NRG3: variants seen among roughly 807,000 people sequenced by gnomAD.
NRG3 encodes pro-neuregulin-3, membrane-bound isoform.
Under a neutral mutation model 66.9 loss-of-function variants are expected in NRG3, and 31 were observed. That is an observed-to-expected ratio of 0.46 (90% CI 0.35 to 0.63). NRG3 has a LOEUF of 0.63. Among genes scored for constraint, NRG3 ranks in the 20% least tolerant of loss-of-function variants. NRG3 has a pLI of 0.00. For missense variants in NRG3, 910 were observed against 878.9 expected (o/e 1.04, Z -0.45); for synonymous variants, 393 against 359.4 (o/e 1.09, Z -1.06).
intron 2 of NRG3, among the ~76,000 whole-genome samples, chr10:82,442,224 T>C (rs1279590412): frequency 6.6e-6 from 1 of 152,208 alleles, no homozygotes; most frequent in Non-Finnish European, 1.5e-5. Flanking sequence ...TCTGACTCTA[T>C]GCTAGAGACA....
intron 8 of NRG3, among the ~76,000 whole-genome samples, chr10:82,980,958 T>G (rs1029030127): frequency 5.9e-5 from 9 of 152,336 alleles, no homozygotes; most frequent in African/African-American, 1.9e-4. Context: ...TATATACATA[T>G]ACATAAACTC....
rs183866826 is a variant in NRG3, at chr10:82,169,331, T to C, written c.824-189408T>C. Among the ~76,000 whole-genome samples the C allele has an allele frequency of 4.6e-4, 70 of 152,080 alleles. 1 individual carries two copies. The highest frequency in any genetic ancestry group is 1.7e-3 in the African/African-American group (70 of 41,566). ...GTGGCTATCTTTTAGGATATCTTAA[T>C]CATTTTTTTTCCCACTTTTTAAAGA... On this transcript the variant is annotated intron_variant, in intron 1 of 8. Transcript: ENST00000372141.
intron 2 of NRG3, among the ~76,000 whole-genome samples, chr10:82,427,802 C>T (rs745657180): frequency 8.6e-5 from 13 of 151,976 alleles, no homozygotes; most frequent in Non-Finnish European, 1.6e-4. Flanking sequence ...CATCTTTAAA[C>T]ATTTGGTAGA....
rs528298178 is a variant in NRG3 at position 82,468,837 on chromosome 10, AGAG to A, written c.953+109973_953+109975del. ...TGGGGAAGGATGGGGAGTGATATTG[AGAG>A]GAGAGAGAGAGAGAAAGAAAGGGAA... On this transcript the variant is annotated intron_variant, in intron 2 of 8. Transcript: ENST00000372141. Among the ~76,000 whole-genome samples the A allele has an allele frequency of 3.7e-4, 57 of 152,092 alleles. No homozygotes were observed. In the South Asian group the frequency reaches 0.011, roughly 30 times the overall value.
At chr10:82,106,686 G>A (rs998534359) in intron 1 of NRG3, among the ~76,000 whole-genome samples, 1 of 151,634 alleles carries the variant, frequency 6.6e-6, no homozygotes, top group Admixed American at 6.6e-5. Context: ...TTGTATTTTG[G>A]GTAGAGACAG....
rs76637077 is a variant in NRG3, at chr10:82,132,935, C to G, written c.824-225804C>G. On this transcript the variant is annotated intron_variant, in intron 1 of 8. Coordinates refer to ENST00000372141, the MANE Select transcript of NRG3 (RefSeq NM_001010848.4). The stretch of plus-strand genomic sequence containing the variant: ...AATTATGACATATCTTTTTCAATCT[C>G]TGATTTATTTGGATCTTCTCTTTTT... Among the ~76,000 whole-genome samples the G allele has an allele frequency of 1.1e-3, 169 of 151,776 alleles. 1 individual carries two copies. In the East Asian group the frequency reaches 0.03, roughly 27 times the overall value.
At chr10:82,621,470 T>A (rs1243832419) in intron 2 of NRG3, among the ~76,000 whole-genome samples, 2 of 152,164 alleles carry the variant, frequency 1.3e-5, no homozygotes, top group African/African-American at 2.4e-5. Flanking sequence ...GATGAATAAA[T>A]GATTGGCTGC....
At chr10:82,582,777 A>G (rs1315203482) in intron 2 of NRG3, among the ~76,000 whole-genome samples, 1 of 151,990 alleles carries the variant, frequency 6.6e-6, no homozygotes, top group Non-Finnish European at 1.5e-5. Flanking sequence ...TTTATGACAA[A>G]ATAGTTTACA....
At chr10:82,026,652 GT>G (rs2062324257) in intron 1 of NRG3, among the ~76,000 whole-genome samples, 1 of 151,922 alleles carries the variant, frequency 6.6e-6, no homozygotes, top group South Asian at 2.1e-4. Context: ...GGATTTTTGT[GT>G]GGGTGTGTTT....
intron 1 of NRG3, among the ~76,000 whole-genome samples, chr10:82,057,143 T>C (rs1205216955): frequency 2.0e-5 from 3 of 152,186 alleles, no homozygotes; most frequent in Admixed American, 2.0e-4. Flanking sequence ...TCACCCCTTA[T>C]ATGTGTACTT....
chr10:81,888,901 A>G (rs1237093437), intron 1 of NRG3, among the ~76,000 whole-genome samples: 1 of 152,186 alleles, frequency 6.6e-6, no homozygotes, highest in East Asian at 1.9e-4. Context: ...AGATTCTCTA[A>G]GGCTAACTTG....
intron 1 of NRG3, among the ~76,000 whole-genome samples, chr10:81,979,526 T>A (rs1357369217): frequency 6.6e-6 from 1 of 152,198 alleles, no homozygotes; most frequent in Non-Finnish European, 1.5e-5. Flanking sequence ...TTTCTTTTTG[T>A]TTAGATTGTC....
intron 2 of NRG3, among the ~76,000 whole-genome samples, chr10:82,411,789 G>A (rs1407005267): frequency 1.3e-5 from 2 of 152,222 alleles, no homozygotes; most frequent in African/African-American, 4.8e-5. Flanking sequence ...TGCTCAGTTA[G>A]TATGAATGGA....
intron 3 of NRG3, among the ~76,000 whole-genome samples, chr10:82,761,303 A>G (rs1437177386): frequency 6.6e-6 from 1 of 152,094 alleles, no homozygotes; most frequent in Admixed American, 6.6e-5. Flanking sequence ...TAACCTCACT[A>G]TAATAAAAAA....
chr10:82,068,360 T>C (rs1383085813), intron 1 of NRG3, among the ~76,000 whole-genome samples: 24 of 152,220 alleles, frequency 1.6e-4, no homozygotes. Context: ...AATGTTTACT[T>C]TTACAAAAAT....
intron 4 of NRG3, among the ~76,000 whole-genome samples, chr10:82,915,876 G>A (rs1845781586): frequency 6.6e-6 from 1 of 151,942 alleles, no homozygotes; most frequent in Non-Finnish European, 1.5e-5. Context: ...TTCAATTTCT[G>A]TGATCTTATA....
intron 1 of NRG3, among the ~76,000 whole-genome samples, chr10:82,180,006 A>C (rs2073304286): frequency 6.6e-6 from 1 of 151,682 alleles, no homozygotes; most frequent in Admixed American, 6.6e-5. Context: ...TGCTATTGTA[A>C]ATGTAATTAT....
chr10:82,456,099 T>C (rs1288309660), intron 2 of NRG3, among the ~76,000 whole-genome samples: 1 of 151,662 alleles, frequency 6.6e-6, no homozygotes, highest in Admixed American at 6.6e-5. Flanking sequence ...TATATCTTTA[T>C]TCTTAAGCTT....
chr10:82,189,835 C>T (rs2074031108), intron 1 of NRG3, among the ~76,000 whole-genome samples: 1 of 151,742 alleles, frequency 6.6e-6, no homozygotes, highest in Non-Finnish European at 1.5e-5. Context: ...TGGTGGCGAG[C>T]ACCTGTAATC....
Sources: allele counts gnomAD v4.1 joint callset (sites outside exome capture counted in the v4.1 genomes callset), GRCh38; gene constraint gnomAD v4.1.1; transcripts MANE v1.5; gene names NCBI Gene and HGNC (gene_info 2026-07-23, HGNC 2026-07-21).